The following ACACA variants were observed in gnomAD, a reference collection of about 807,000 sequenced individuals.
ACACA encodes acetyl-CoA carboxylase 1.
In ACACA, 103 loss-of-function variants were observed where a neutral mutation model predicts 296.1. The observed-to-expected ratio is 0.35, with a 90% CI of 0.30 to 0.41. ACACA has a LOEUF of 0.41. Ranked by LOEUF, ACACA falls within the 10% of genes least tolerant of loss-of-function variation. The pLI is 1.00. For missense variants in ACACA, 1,554 were observed against 2,989.7 expected, an observed-to-expected ratio of 0.52 and a Z score of 11.20; for synonymous variants, 953 against 1,038.6, an observed-to-expected ratio of 0.92 and a Z score of 1.58.
At chr17:37,260,022 C>T (rs1042472496) in intron 11 of ACACA, among the ~76,000 whole-genome samples, 12 of 151,050 alleles carry the variant, frequency 7.9e-5, no homozygotes, top group African/African-American at 2.4e-4. Flanking sequence ...GCTGAGATTA[C>T]AGGCATGCGC....
intron 41 of ACACA, among the ~76,000 whole-genome samples, chr17:37,163,341 C>T (rs939736241): frequency 1.3e-4 from 20 of 151,968 alleles, no homozygotes; most frequent in African/African-American, 4.6e-4. Context: ...TTCCTGAGAC[C>T]CTTAGCAGAA....
intron 3 of ACACA, chr17:37,328,686 T>C: frequency 2.6e-6 from 1 of 382,794 alleles, no homozygotes; most frequent in Non-Finnish European, 4.6e-6. Context: ...AGAGTTGATA[T>C]ATTTAGTGTA....
In ACACA at chr17:37,099,497, G is replaced by A. The variant is rs201949729; in HGVS notation, c.6566-1513C>T. Among the ~76,000 whole-genome samples the A allele has an allele frequency of 6.3e-3, 895 of 141,646 alleles. 8 individuals are homozygous for A. The highest frequency in any genetic ancestry group is 0.011 in the Middle Eastern group (3 of 270). The allele number at this position is 141,646 out of a possible 152,430, so 92.9% of individuals were successfully genotyped here. A position where few individuals can be genotyped will look rare whatever the true frequency, so the allele number is the denominator to read the frequency against. On this transcript the variant is annotated intron_variant, in intron 52 of 55. Coordinates refer to ENST00000616317, the MANE Select transcript of ACACA (RefSeq NM_198834.3). ...GAGGGCTGATGGGAGGAGGGCTGAT[G>A]GGAGGAGGGCTGATAGCAGGAGGGC...
chr17:37,085,693 T>A lies in ACACA; in HGVS notation c.*1623A>T, dbSNP rs1442689452. ...GGGCTGTCCGCTCCATACCCAGCCA[T>A]ACAGTGCCCACCTGCAACCCAGAAC... On this transcript the variant is annotated 3_prime_UTR_variant, in exon 56 of 56. Transcript: ENST00000616317. 5 of 399,040 alleles carry A rather than the reference T, an allele frequency of 1.3e-5. No individual in the cohort carries two copies. The East Asian group carries it at 1.8e-4, about 14-fold the overall frequency. 24.7% of individuals were successfully genotyped at this position (399,040 alleles called of 1,614,324 possible).
chr17:37,322,273 T>C (rs1204389108), intron 3 of ACACA, among the ~76,000 whole-genome samples: 1 of 152,210 alleles, frequency 6.6e-6, no homozygotes, highest in Non-Finnish European at 1.5e-5. Flanking sequence ...ATAGACATCT[T>C]ACGCTGGTTT....
intron 1 of ACACA, among the ~76,000 whole-genome samples, chr17:37,381,185 G>A (rs773188503): frequency 5.9e-5 from 9 of 151,782 alleles, no homozygotes; most frequent in Admixed American, 1.3e-4. Context: ...TTTTGTTGTT[G>A]TTGTTGTTGT....
chr17:37,337,703 T>C (rs1597636998), intron 2 of ACACA, among the ~76,000 whole-genome samples: 2 of 152,130 alleles, frequency 1.3e-5, no homozygotes, highest in East Asian at 1.9e-4. Flanking sequence ...TCCTCCCACC[T>C]TGGCCTCCCA....
intron 44 of ACACA, among the ~76,000 whole-genome samples, chr17:37,150,612 G>C (rs1364349547): frequency 6.6e-6 from 1 of 152,028 alleles, no homozygotes; most frequent in African/African-American, 2.4e-5. Context: ...AAATTAGTTG[G>C]AGGTGGTGGC....
intron 45 of ACACA, among the ~76,000 whole-genome samples, chr17:37,132,483 C>T (rs1436902359): frequency 6.6e-6 from 1 of 152,112 alleles, no homozygotes; most frequent in Non-Finnish European, 1.5e-5. Flanking sequence ...GGACAGACTG[C>T]CTCTCTGTTA....
At chr17:37,206,901 C>T (rs754888275) in intron 31 of ACACA, 22 bp from the exon 32 acceptor site, 1 of 1,586,908 alleles carries the variant, frequency 6.3e-7, no homozygotes, top group Non-Finnish European at 8.7e-7. Context: ...AAGAGAAACA[C>T]CCACCATGAA....
intron 52 of ACACA, among the ~76,000 whole-genome samples, chr17:37,110,105 AAAAAAGG>A (rs1215272730): frequency 6.6e-6 from 1 of 152,236 alleles, no homozygotes; most frequent in Non-Finnish European, 1.5e-5. Flanking sequence ...AAAAGGAAGA[AAAAAAGG>A]AAAAAGGAAA....
chr17:37,285,120 G>A, intron 3 of ACACA, 150 bp from the exon 4 acceptor site: 5 of 871,196 alleles, frequency 5.7e-6, no homozygotes, highest in East Asian at 2.7e-5. Flanking sequence ...AGAGAGAAAA[G>A]AAAATGATCT....
chr17:37,342,199 C>T (rs946523967), intron 1 of ACACA, among the ~76,000 whole-genome samples: 2 of 151,062 alleles, frequency 1.3e-5, no homozygotes, highest in African/African-American at 2.4e-5. Flanking sequence ...ACTTAAGGTT[C>T]GGAGTTCGAG....
At chr17:37,228,939 C>T (rs955020907) in intron 25 of ACACA, among the ~76,000 whole-genome samples, 6 of 152,036 alleles carry the variant, frequency 3.9e-5, no homozygotes, top group Admixed American at 2.6e-4. Flanking sequence ...GTCAGGAGAT[C>T]GAGACCATCC....
chr17:37,346,701 CAAAAAAAAAA>C (rs1233696565), intron 1 of ACACA, among the ~76,000 whole-genome samples: 117 of 36,714 alleles, frequency 3.2e-3, no homozygotes, highest in Non-Finnish European at 6.9e-3. Flanking sequence ...GACTCCATCT[CAAAAAAAAAA>C]AAAAAAAAAA....
chr17:37,216,181 T>C (rs954460860), intron 29 of ACACA, among the ~76,000 whole-genome samples: 3 of 122,894 alleles, frequency 2.4e-5, no homozygotes, highest in African/African-American at 1.1e-4. Context: ...TACATATACA[T>C]ACACACACGT....
intron 45 of ACACA, among the ~76,000 whole-genome samples, chr17:37,134,331 C>T (rs2143596217): frequency 6.6e-6 from 1 of 152,270 alleles, no homozygotes. Flanking sequence ...CCCCATGCTC[C>T]AGACGTTTGA....
chr17:37,311,764 C>T (rs569960299), intron 3 of ACACA, among the ~76,000 whole-genome samples: 5 of 151,170 alleles, frequency 3.3e-5, no homozygotes, highest in Admixed American at 2.0e-4. Context: ...CCCAGCTACT[C>T]GGGAGGCTGA....
At chr17:37,287,569 T>TAAAAAA (rs1170331801) in intron 3 of ACACA, among the ~76,000 whole-genome samples, 1 of 69,924 alleles carries the variant, frequency 1.4e-5, no homozygotes, top group Admixed American at 1.7e-4. Flanking sequence ...ACGTCTCTAC[T>TAAAAAA]AAAAAAAAAA....
Sources: allele counts gnomAD v4.1 joint callset (sites outside exome capture counted in the v4.1 genomes callset), GRCh38; gene constraint gnomAD v4.1.1; transcripts MANE v1.5; gene names NCBI Gene and HGNC (gene_info 2026-07-23, HGNC 2026-07-21).